ARSB: variants seen among roughly 807,000 people sequenced by gnomAD.
ARSB encodes the protein N-acetylgalactosamine-4-sulfatase.
Under a neutral mutation model 50.9 loss-of-function variants are expected in ARSB, and 41 were observed. The ratio of observed to expected loss-of-function variants is 0.81; its 90% CI spans 0.63 to 1.04. ARSB has a LOEUF of 1.04. Among genes scored for constraint, ARSB ranks in the 50% least tolerant of loss-of-function variants. ARSB has a pLI of 0.00. For synonymous variants in ARSB, 269 were observed against 284.8 expected (o/e 0.94, Z 0.56); for missense variants, 672 against 693.3 (o/e 0.97, Z 0.35).
At chr5:78,937,911 G>A (rs1437502124) in intron 4 of ARSB, among the ~76,000 whole-genome samples, 1 of 152,116 alleles carries the variant, frequency 6.6e-6, no homozygotes, top group African/African-American at 2.4e-5. Flanking sequence ...TCCATTTCCA[G>A]GGTCACAGAG....
intron 4 of ARSB, among the ~76,000 whole-genome samples, chr5:78,911,538 C>T (rs1749305574): frequency 7.8e-6 from 1 of 128,482 alleles, no homozygotes. Context: ...CGCACAACTG[C>T]ACTCCAGCCT....
chr5:78,845,173 A>C (rs1330651446), intron 5 of ARSB, among the ~76,000 whole-genome samples: 1 of 151,972 alleles, frequency 6.6e-6, no homozygotes, highest in Non-Finnish European at 1.5e-5. Flanking sequence ...TAACATAGTG[A>C]CCTTCAGTTT....
At chr5:78,897,995 C>T (rs1476331303) in intron 4 of ARSB, among the ~76,000 whole-genome samples, 4 of 152,176 alleles carry the variant, frequency 2.6e-5, no homozygotes, top group South Asian at 2.1e-4. Flanking sequence ...AGGCCGGGTG[C>T]GGTGGCTGAC....
intron 3 of ARSB, among the ~76,000 whole-genome samples, chr5:78,957,459 C>T (rs894641887): frequency 3.3e-5 from 5 of 152,164 alleles, no homozygotes; most frequent in Admixed American, 3.3e-4. Flanking sequence ...CCTAAACTCA[C>T]AAAGTTAAAA....
intron 4 of ARSB, among the ~76,000 whole-genome samples, chr5:78,907,185 G>T (rs1749103506): frequency 6.6e-6 from 1 of 152,206 alleles, no homozygotes; most frequent in Admixed American, 6.5e-5. Context: ...TGATGGAGAA[G>T]ACAAGGCACT....
chr5:78,906,528 T>A (rs1161045864), intron 4 of ARSB, among the ~76,000 whole-genome samples: 1 of 151,998 alleles, frequency 6.6e-6, no homozygotes, highest in East Asian at 1.9e-4. Flanking sequence ...AAAATAAACC[T>A]CCAAAACTCA....
intron 5 of ARSB, among the ~76,000 whole-genome samples, chr5:78,860,508 C>T (rs1473893450): frequency 1.8e-5 from 2 of 113,502 alleles, no homozygotes; most frequent in African/African-American, 6.1e-5. Context: ...TCCTGAAGGA[C>T]TACTGCATAA....
chr5:78,905,344 G>GTT (rs60622885), intron 4 of ARSB, among the ~76,000 whole-genome samples: 45 of 130,550 alleles, frequency 3.4e-4, no homozygotes, highest in Admixed American at 8.0e-4. Flanking sequence ...GTATTTTCCT[G>GTT]TTTTTTTTTT....
rs1580043917 is a variant in ARSB, at chr5:78,908,438, G to A, written c.899-22611C>T. On this transcript the variant is annotated intron_variant, in intron 4 of 7. Transcript: ENST00000264914. ...GAAAAGGCTCAACAGGAACAATAGCGCTGTGAAGTGGAGCAGCAGCGGAGA... is the reference window on the plus strand; with the variant it reads ...GAAAAGGCTCAACAGGAACAATAGCACTGTGAAGTGGAGCAGCAGCGGAGA... 1.3e-5 allele frequency among the ~76,000 whole-genome samples: 2 copies of A among 152,286 alleles called. 1 individual carries two copies. The highest frequency in any genetic ancestry group is 4.1e-4 in the South Asian group (2 of 4,830).
intron 1 of ARSB, among the ~76,000 whole-genome samples, chr5:78,973,238 G>A (rs758367207): frequency 1.6e-4 from 25 of 152,348 alleles, no homozygotes; most frequent in Non-Finnish European, 3.1e-4. Context: ...CCAAAGAAGT[G>A]TGTGTGAATG....
intron 5 of ARSB, among the ~76,000 whole-genome samples, chr5:78,863,684 C>T (rs886478765): frequency 6.6e-6 from 1 of 151,798 alleles, no homozygotes; most frequent in Admixed American, 6.6e-5. Context: ...TGCAGGACAC[C>T]AACATGGCAC....
chr5:78,878,073 A>G (rs28616200), intron 5 of ARSB, among the ~76,000 whole-genome samples: 19,013 of 152,170 alleles, frequency 0.12, 1,409 homozygotes, highest in Middle Eastern at 0.21. Context: ...CCAAAATGAA[A>G]TAAAGAGAAA....
At chr5:78,831,172 G>A (rs1034216245) in intron 6 of ARSB, among the ~76,000 whole-genome samples, 2 of 152,038 alleles carry the variant, frequency 1.3e-5, no homozygotes, top group African/African-American at 2.4e-5. Flanking sequence ...TGTTATAATC[G>A]TTCCCAACGT....
At chr5:78,808,903 C>T (rs948654978) in intron 6 of ARSB, among the ~76,000 whole-genome samples, 1 of 152,190 alleles carries the variant, frequency 6.6e-6, no homozygotes, top group Non-Finnish European at 1.5e-5. Flanking sequence ...CAGCACACAG[C>T]AAGACGCCAA....
At chr5:78,956,366 G>T (rs1447939968) in intron 3 of ARSB, among the ~76,000 whole-genome samples, 2 of 152,092 alleles carry the variant, frequency 1.3e-5, no homozygotes, top group East Asian at 1.9e-4. Context: ...AGGAAATTGT[G>T]GGGGAGAGGA....
At chr5:78,867,444 G>A (rs969246462) in intron 5 of ARSB, among the ~76,000 whole-genome samples, 62 of 152,194 alleles carry the variant, frequency 4.1e-4, no homozygotes, top group Non-Finnish European at 7.3e-4. Flanking sequence ...GAGAGCAGTG[G>A]TTCTCCCAGC....
At chr5:78,858,241 A>G (rs558100167) in intron 5 of ARSB, among the ~76,000 whole-genome samples, 3 of 152,354 alleles carry the variant, frequency 2.0e-5, no homozygotes, top group East Asian at 1.9e-4. Context: ...AAATGCTTCT[A>G]TTAATAAAAG....
chr5:78,856,632 T>C (rs767244309), intron 5 of ARSB, among the ~76,000 whole-genome samples: 12 of 152,182 alleles, frequency 7.9e-5, no homozygotes, highest in Admixed American at 2.6e-4. Flanking sequence ...GAATAAACAG[T>C]GGCCCTATCA....
At position 78,866,931 on chromosome 5, in the gene ARSB, A is replaced by G. The variant is rs543450941; in HGVS notation, c.1142+18653T>C. On this transcript the variant is annotated intron_variant, in intron 5 of 7. Transcript: ENST00000264914. Reference sequence around the variant, plus strand: ...CCGGGTTCATCTCACCAGGGAGTGCAAGACAGTGGGCGCAGGCCAGTGGGT... The same window carrying G: ...CCGGGTTCATCTCACCAGGGAGTGCGAGACAGTGGGCGCAGGCCAGTGGGT... 7.2e-5 allele frequency among the ~76,000 whole-genome samples: 11 copies of G among 152,318 alleles called. No individual in the cohort carries two copies. The East Asian group carries it at 1.9e-3, about 27-fold the overall frequency.
Sources: gnomAD v4.1 joint callset for allele counts (sites outside exome capture counted in the v4.1 genomes callset) on GRCh38, gnomAD v4.1.1 for gene constraint, MANE v1.5 for transcripts, NCBI Gene and HGNC (gene_info 2026-07-23, HGNC 2026-07-21) for gene names.